MAP3K15: variants seen among roughly 807,000 people sequenced by gnomAD.
MAP3K15 encodes MAPK/ERK kinase kinase 15.
In MAP3K15, 124 loss-of-function variants were observed where a neutral mutation model predicts 99.5. The observed-to-expected ratio is 1.25, with a 90% confidence interval of 1.08 to 1.45. The LOEUF is 1.45. Among genes scored for constraint, MAP3K15 ranks in the 40% most tolerant of loss-of-function variants. The pLI, the probability that MAP3K15 is intolerant of heterozygous loss-of-function variation, is 0.00. For missense variants in MAP3K15, 1,242 were observed against 1,079.7 expected (o/e 1.15, Z -2.11); for synonymous variants, 494 against 439.6 (o/e 1.12, Z -1.55).
intron 5 of MAP3K15, among the ~76,000 whole-genome samples, chrX:19,458,995 A>G (rs1438223000): frequency 8.9e-6 from 1 of 112,071 alleles, no homozygotes; most frequent in East Asian, 2.8e-4. Flanking sequence ...CCACAGACCA[A>G]AAGACCAGTC....
intron 11 of MAP3K15, among the ~76,000 whole-genome samples, chrX:19,411,617 G>A (rs987276797): frequency 9.1e-6 from 1 of 110,401 alleles, no homozygotes; most frequent in Non-Finnish European, 1.9e-5. Context: ...AGGGGGTCAC[G>A]TTGTTCAACA....
At chrX:19,418,108 A>C (rs2063751879) in intron 9 of MAP3K15, among the ~76,000 whole-genome samples, 1 of 111,839 alleles carries the variant, frequency 8.9e-6, no homozygotes, top group Admixed American at 9.5e-5. Context: ...AGAGCAGAAA[A>C]ACTGGAAACT....
chrX:19,368,953 T>C (rs1240387270), intron 25 of MAP3K15, 101 bp downstream of exon 25: 5 of 908,771 alleles, frequency 5.5e-6, no homozygotes, highest in Non-Finnish European at 7.2e-6. Context: ...TCCTAAGACC[T>C]GGGTGAGATG....
intron 4 of MAP3K15, among the ~76,000 whole-genome samples, chrX:19,462,645 G>A (rs1038208294): frequency 8.9e-6 from 1 of 112,164 alleles, no homozygotes; most frequent in Non-Finnish European, 1.9e-5. Flanking sequence ...CATCAGATAT[G>A]TAATAAGCAT....
intron 11 of MAP3K15, among the ~76,000 whole-genome samples, chrX:19,411,820 G>A (rs1279019881): frequency 9.0e-6 from 1 of 111,646 alleles, no homozygotes; most frequent in Non-Finnish European, 1.9e-5. Flanking sequence ...GGAGTGAGCG[G>A]GATGGGAGTA....
intron 13 of MAP3K15, among the ~76,000 whole-genome samples, chrX:19,406,420 A>G (rs1162894386): frequency 8.9e-6 from 1 of 112,604 alleles, no homozygotes; most frequent in Non-Finnish European, 1.9e-5. Context: ...TACGTGTTAC[A>G]CATGGATAAA....
chrX:19,480,289 C>CA lies in MAP3K15; in HGVS notation c.525+6192dup, dbSNP rs772741536. On this transcript the variant is annotated intron_variant, in intron 3 of 28. Coordinates refer to ENST00000338883, the MANE Select transcript of MAP3K15 (RefSeq NM_001001671.4). ...CTCCAGAAATGGAAAAGCTGATCCT[C>CA]AAATTCATATGGAACTTTGAGAGGC... Among the ~76,000 whole-genome samples, 336 of 110,895 alleles carry CA rather than the reference C, an allele frequency of 3.0e-3. 2 individuals carry two copies. The highest frequency in any genetic ancestry group is 0.01 in the African/African-American group (315 of 30,505).
intron 10 of MAP3K15, 86 bp from the exon 11 acceptor site, chrX:19,413,550 T>A (rs1298946263): frequency 3.3e-6 from 2 of 608,704 alleles, no homozygotes; most frequent in East Asian, 7.4e-5. Context: ...AGGTCCGTAC[T>A]CAATATATCC....
At chrX:19,483,916 C>T (rs1243467257) in intron 3 of MAP3K15, among the ~76,000 whole-genome samples, 1 of 111,423 alleles carries the variant, frequency 9.0e-6, no homozygotes, top group African/African-American at 3.3e-5. Flanking sequence ...ACTAATGGTA[C>T]CCCTCAAGGC....
At chrX:19,434,924 G>C (rs1185926508) in intron 6 of MAP3K15, among the ~76,000 whole-genome samples, 1 of 111,705 alleles carries the variant, frequency 9.0e-6, no homozygotes, top group East Asian at 2.8e-4. Flanking sequence ...TTTCTACCTT[G>C]ATCCTGTTCT....
At chrX:19,469,831 C>T (rs1374341940) in intron 3 of MAP3K15, among the ~76,000 whole-genome samples, 106 of 109,785 alleles carry the variant, frequency 9.7e-4, no homozygotes, top group Non-Finnish European at 1.8e-3. Flanking sequence ...CAGAGAAATG[C>T]AAATCAAAAC....
intron 3 of MAP3K15, among the ~76,000 whole-genome samples, chrX:19,477,227 C>T (rs1035579187): frequency 9.0e-6 from 1 of 110,595 alleles, no homozygotes; most frequent in African/African-American, 3.3e-5. Context: ...TGACATTACC[C>T]CTCTGATATT....
chrX:19,490,626 G>T (rs759078541), intron 1 of MAP3K15, among the ~76,000 whole-genome samples: 1 of 110,003 alleles, frequency 9.1e-6, no homozygotes, highest in Non-Finnish European at 1.9e-5. Context: ...GTGCGTGCCT[G>T]TAGTCCCAGT....
chrX:19,436,161 A>AG (rs1337607252), intron 6 of MAP3K15, among the ~76,000 whole-genome samples: 4 of 99,976 alleles, frequency 4.0e-5, no homozygotes, highest in African/African-American at 1.8e-4. Context: ...TGTCAAAAAA[A>AG]AAAAAAAGAA....
At chrX:19,468,692 A>G (rs754894583) in intron 3 of MAP3K15, among the ~76,000 whole-genome samples, 9 of 111,750 alleles carry the variant, frequency 8.1e-5, no homozygotes, top group African/African-American at 2.9e-4. Flanking sequence ...CATTGAATCT[A>G]TAAATTACCT....
rs1241564006 is a variant in MAP3K15, at chrX:19,380,264, G to A, written c.2445C>T (p.Tyr815=). The change falls in exon 19 of 29, where the codon TAC becomes TAT. Residue 815 remains tyrosine, a synonymous_variant. Coordinates refer to ENST00000338883, the MANE Select transcript of MAP3K15 (RefSeq NM_001001671.4). ...CTETFTGTLQ[Y]MAPEIIDQGP... ...CTTGGTCAATTATCTCAGGTGCCAT[G>A]TACTGCAGGGTGCCTATTTGGAAAA... 1.7e-6 allele frequency: 2 copies of A among 1,205,992 alleles called. No individual in the cohort carries two copies. Among genetic ancestry groups the A allele is most frequent in the Non-Finnish European group, 2.2e-6 (2 of 894,066 alleles).
chrX:19,404,458 C>T (rs183093060), intron 13 of MAP3K15, among the ~76,000 whole-genome samples: 1 of 111,819 alleles, frequency 8.9e-6, no homozygotes, highest in African/African-American at 3.2e-5. Context: ...TATTCCCTGT[C>T]AAAGTCCTAG....
chrX:19,487,139 G>GGA (rs1326319082), intron 2 of MAP3K15, among the ~76,000 whole-genome samples: 6 of 66,502 alleles, frequency 9.0e-5, no homozygotes, highest in African/African-American at 2.6e-4. Flanking sequence ...TGGGGGGGGG[G>GGA]AAGGGCGGAG....
At chrX:19,469,150 T>C (rs762065726) in intron 3 of MAP3K15, among the ~76,000 whole-genome samples, 4 of 111,473 alleles carry the variant, frequency 3.6e-5, no homozygotes, top group Admixed American at 1.9e-4. Context: ...CTTCAAACTA[T>C]ACTACAAGGC....
Sources: gnomAD v4.1 joint callset for allele counts (sites outside exome capture counted in the v4.1 genomes callset) on GRCh38, gnomAD v4.1.1 for gene constraint, MANE v1.5 for transcripts, NCBI Gene and HGNC (gene_info 2026-07-23, HGNC 2026-07-21) for gene names.